MFSD12: variants seen among roughly 807,000 people sequenced by gnomAD.
The protein encoded by MFSD12 is major facilitator superfamily domain containing 12.
MFSD12 carries 67 observed loss-of-function variants against 51.2 expected under a neutral mutation model. The ratio of observed to expected loss-of-function variants is 1.31; its 90% CI spans 1.08 to 1.60. The LOEUF (loss-of-function observed/expected upper bound fraction) is 1.60, where lower values mean the gene tolerates loss of function less well. Ranked by LOEUF, MFSD12 falls within the 40% of genes most tolerant of loss-of-function variation. The pLI is 0.00. For synonymous variants in MFSD12, 441 were observed against 316.7 expected (o/e 1.39, Z -4.17); for missense variants, 921 against 673.0 (o/e 1.37, Z -4.08).
chr19:3,545,036 C>A (rs535715239), intron 8 of MFSD12, 97 bp from the exon 9 acceptor site: 56 of 1,451,036 alleles, frequency 3.9e-5, no homozygotes, highest in Middle Eastern at 2.4e-4. Context: ...ACAGCGGCTC[C>A]GTCCTGTCCA....
At position 3,557,471 on chromosome 19, in the gene MFSD12, G is replaced by GTACCTTGGCC. The variant is rs1396042738; in HGVS notation, c.-69_-68insGGCCAAGGTA. ...GGGTACCCTGGCCAGGCCTTCTTGG[G>GTACCTTGGCC]TGCCGTGGGGGCAGGCGCCGGGGAC... is the stretch of plus-strand genomic sequence containing the variant. On this transcript the variant is annotated 5_prime_UTR_variant, in exon 1 of 10. Transcript: ENST00000355415. The GTACCTTGGCC allele has an allele frequency of 9.7e-7, 1 of 1,029,104 alleles. No homozygotes were observed. The highest frequency in any genetic ancestry group is 1.7e-5 in the African/African-American group (1 of 58,778). The allele number at this position is 1,029,104 out of a possible 1,614,324, so 63.7% of individuals were successfully genotyped here. A position where few individuals can be genotyped will look rare whatever the true frequency, so the allele number is the denominator to read the frequency against.
At chr19:3,541,613 A>C (rs1363834915), downstream of MFSD12, 2 of 982,838 alleles carry the variant, frequency 2.0e-6, no homozygotes, top group Non-Finnish European at 2.4e-6. Context: ...GAGCCACCGC[A>C]CCCAGTGCAA....
downstream of MFSD12, chr19:3,541,995 A>T (rs2030454160): frequency 2.3e-6 from 1 of 434,728 alleles, no homozygotes; most frequent in Non-Finnish European, 3.1e-6. Context: ...TTTTTAGTAG[A>T]GACGGGGTTT....
chr19:3,540,517 A>G (rs575225273), downstream of MFSD12, among the ~76,000 whole-genome samples: 15 of 151,084 alleles, frequency 9.9e-5, no homozygotes, highest in Admixed American at 5.9e-4. Context: ...TGGCCTCCCA[A>G]AGTGCTGGGA....
chr19:3,544,192 G>A (rs532735259), downstream of MFSD12: 15 of 1,366,844 alleles, frequency 1.1e-5, no homozygotes, highest in African/African-American at 1.9e-4. Context: ...GCAGACAGGA[G>A]CCAGGCTGCC....
chr19:3,545,524 A>G (rs2030931979), intron 8 of MFSD12, among the ~76,000 whole-genome samples: 2 of 152,114 alleles, frequency 1.3e-5, no homozygotes, highest in African/African-American at 4.8e-5. Context: ...ATGCTCTGAC[A>G]TCCTGCAGGT....
At chr19:3,539,091 G>A (rs965845226) in intron 4 of MFSD12, 12 of 820,324 alleles carry the variant, frequency 1.5e-5, no homozygotes, top group African/African-American at 5.1e-5. Flanking sequence ...AGTGGTCAGC[G>A]TGGTTGCCGA....
In MFSD12 at chr19:3,547,322, A is replaced by C. The variant is rs767777682; in HGVS notation, c.973T>G (p.Phe325Val). The C allele has an allele frequency of 6.2e-7, 1 of 1,613,360 alleles. No homozygotes were observed. The highest frequency in any genetic ancestry group is 1.7e-5 in the Admixed American group (1 of 60,022). ...GGCTTCATGAGGAAGGAGGACAAGA[A>C]GCCGCTGAGGTACATCACCAGGGGA... ...TIPLVMYLSG[F>V]LSSFLMKPIN... is the part of the protein sequence containing the mutation. Residue 325 changes from phenylalanine (F) to valine (V), a missense_variant, in exon 6 of 10, where the codon TTC becomes GTC. Phe to Val is a conservative substitution (Grantham distance 50). Transcript: ENST00000355415.
rs1332256993 is a variant in MFSD12 at position 3,544,564 on chromosome 19, G to T, written c.*146C>A. 1 of 1,445,806 alleles carries T rather than the reference G, an allele frequency of 6.9e-7. No homozygotes were observed. Among genetic ancestry groups the T allele is most frequent in the Admixed American group, 2.7e-5 (1 of 37,108 alleles). 89.6% of individuals were successfully genotyped at this position (1,445,806 alleles called of 1,614,324 possible). On this transcript the variant is annotated 3_prime_UTR_variant, in exon 10 of 10. Transcript: ENST00000355415. ...GCGGGCATCCCTGCTGCCCTCACCC[G>T]ACCCCACCCCCGGGAGCTGGGTGAG...
downstream of MFSD12, chr19:3,542,591 A>G: frequency 1.3e-6 from 1 of 753,202 alleles, no homozygotes; most frequent in Non-Finnish European, 1.6e-6. Flanking sequence ...CTCCTGCCTC[A>G]GCCTCCTGAG....
In MFSD12 at chr19:3,546,145, G is replaced by C; in HGVS notation, c.1218C>G (p.Gly406=). 6.2e-7 allele frequency: 1 copy of C among 1,613,274 alleles called. No individual in the cohort carries two copies. ...PHTNSGAFVY[G]SMSFLDKVAN... ...CCACCTTATCCAAGAAGCTCATGGA[G>C]CCGTACACGAACGCTCCGCTGTTCT... Residue 406 remains glycine, a synonymous_variant, in exon 8 of 10, where the codon GGC becomes GGG. Coordinates refer to ENST00000355415, the MANE Select transcript of MFSD12 (RefSeq NM_174983.5).
At position 3,551,194 on chromosome 19, in the gene MFSD12, C is replaced by A. The variant is rs759611711; in HGVS notation, c.299G>T (p.Gly100Val). 1.7e-5 allele frequency: 27 copies of A among 1,600,492 alleles called. No individual in the cohort carries two copies. Among genetic ancestry groups the A allele is most frequent in the Non-Finnish European group, 2.3e-5 (27 of 1,173,516 alleles). The change falls in exon 2 of 10, where the codon GGC (glycine) becomes GTC (valine). Residue 100 changes from glycine (G) to valine (V), a missense_variant and splice_region_variant. Transcript: ENST00000355415. This position sits in a 1 kb window ranked among gnomAD's most constrained non-coding sequence, Gnocchi z 4.6. ...GAAGGACAGCAGGACGCAGACGGTG[C>A]CTGTGGAAGGCAGAGTGGTCAGTCG... is the stretch of plus-strand genomic sequence containing the variant. Reference protein sequence around the residue: ...YGPRKAWHLVGTVCVLLSFPF... With the variant: ...YGPRKAWHLVVTVCVLLSFPF...
In MFSD12 at chr19:3,544,741, G is replaced by A. The variant is rs562635144; in HGVS notation, c.1421-9C>T. The A allele has an allele frequency of 3.2e-5, 51 of 1,604,678 alleles. No homozygotes were observed. Among genetic ancestry groups the A allele is most frequent in the South Asian group, 1.1e-5 (1 of 89,908 alleles). ...CCGGGCATCACGGTCCCCTGCAAGG[G>A]AGGGGTGGAAATGGCATTAGAGAGT... On this transcript the variant is annotated splice_polypyrimidine_tract_variant and intron_variant, in intron 9 of 9. Transcript: ENST00000355415.
chr19:3,539,588 A>G (rs1417006997), downstream of MFSD12: 1 of 329,258 alleles, frequency 3.0e-6, no homozygotes, highest in South Asian at 7.1e-5. Context: ...TGTGGCTGAG[A>G]GAGTCTGTCC....
At position 3,557,530 on chromosome 19, in the gene MFSD12, C is replaced by A. The variant is rs1271739354; in HGVS notation, c.-127G>T. On this transcript the variant is annotated 5_prime_UTR_variant, in exon 1 of 10. Coordinates refer to ENST00000355415, the MANE Select transcript of MFSD12 (RefSeq NM_174983.5). Reference sequence around the variant, plus strand: ...CGCGCCGGGCACCCCGCGTCCCGCTCTCTTACGGCCGCGCCCTCACCCACG... The same window carrying A: ...CGCGCCGGGCACCCCGCGTCCCGCTATCTTACGGCCGCGCCCTCACCCACG... 8 of 491,048 alleles carry A rather than the reference C, an allele frequency of 1.6e-5. No individual in the cohort carries two copies. In the East Asian group the frequency reaches 5.9e-4, roughly 36 times the overall value. 30.4% of individuals were successfully genotyped at this position (491,048 alleles called of 1,614,324 possible).
intron 8 of MFSD12, 133 bp from the exon 9 acceptor site, chr19:3,545,072 T>TCCCTCCCTCCTGTCCCACA: frequency 4.3e-6 from 5 of 1,160,236 alleles, no homozygotes; most frequent in Non-Finnish European, 2.4e-6. Context: ...GCCCTGCCAC[T>TCCCTCCCTCCTGTCCCACA]CCCTCCCTCC....
rs374909791 is a variant in MFSD12 at position 3,538,836 on chromosome 19, C to T, written c.*6-80G>A. 1.8e-5 allele frequency: 10 copies of T among 564,082 alleles called. No individual in the cohort carries two copies. The African/African-American group carries it at 1.9e-4, about 10-fold the overall frequency. The allele number at this position is 564,082 out of a possible 1,614,324, so 34.9% of individuals were successfully genotyped here. ...GGGTGACAGGTGCCTGCGACCCCGG[C>T]CAGGCACTGCCTCCTGCGATCGAAG... On this transcript the variant is annotated intron_variant, in intron 4 of 4. Transcript: ENST00000398558.
At chr19:3,552,847 G>T (rs909725354) in intron 1 of MFSD12, among the ~76,000 whole-genome samples, 1 of 152,152 alleles carries the variant, frequency 6.6e-6, no homozygotes, top group Non-Finnish European at 1.5e-5. Flanking sequence ...AAGCGTGGGT[G>T]TCATTATCCT....
At chr19:3,553,494 C>A (rs142284724) in intron 1 of MFSD12, among the ~76,000 whole-genome samples, 8 of 146,498 alleles carry the variant, frequency 5.5e-5, no homozygotes, top group African/African-American at 1.0e-4. Flanking sequence ...AAAGGCCGGG[C>A]GCGGTGGCTC....
Sources: allele counts gnomAD v4.1 joint callset (sites outside exome capture counted in the v4.1 genomes callset), GRCh38; gene constraint gnomAD v4.1.1; non-coding constraint Gnocchi (gnomAD v3.1); transcripts MANE v1.5; gene names NCBI Gene and HGNC (gene_info 2026-07-23, HGNC 2026-07-21).